ZNF385D: variants seen among roughly 807,000 people sequenced by gnomAD.
ZNF385D encodes zinc finger protein 659.
ZNF385D carries 15 observed loss-of-function variants against 35.8 expected under a neutral mutation model. That is an observed-to-expected ratio of 0.42 (90% CI 0.28 to 0.64). The LOEUF (loss-of-function observed/expected upper bound fraction) is 0.64. ZNF385D is among the 30% of genes least tolerant of loss of function. The pLI is 0.23. For synonymous variants in ZNF385D, 212 were observed against 186.8 expected, an observed-to-expected ratio of 1.13 and a Z score of -1.10; for missense variants, 474 against 494.6, an observed-to-expected ratio of 0.96 and a Z score of 0.39.
At chr3:21,666,424 T>G (rs1304262806) in intron 1 of ZNF385D, among the ~76,000 whole-genome samples, 4 of 152,216 alleles carry the variant, frequency 2.6e-5, no homozygotes, top group African/African-American at 7.2e-5. Flanking sequence ...CCCACTGTCT[T>G]ACCTTCCTTC....
intron 3 of ZNF385D, among the ~76,000 whole-genome samples, chr3:22,037,335 A>G (rs1365088087): frequency 1.3e-5 from 2 of 149,442 alleles, no homozygotes; most frequent in Non-Finnish European, 3.0e-5. Flanking sequence ...CCAACAGTGT[A>G]AAAGTGTTCC....
At chr3:22,198,183 C>A (rs1027168902) in intron 2 of ZNF385D, among the ~76,000 whole-genome samples, 6 of 115,002 alleles carry the variant, frequency 5.2e-5, no homozygotes, top group Non-Finnish European at 6.5e-5. Flanking sequence ...TCAAAATAAA[C>A]AAAGAATTTC....
At chr3:22,324,037 C>A (rs969360142) in intron 2 of ZNF385D, among the ~76,000 whole-genome samples, 9 of 152,074 alleles carry the variant, frequency 5.9e-5, no homozygotes, top group African/African-American at 1.9e-4. Flanking sequence ...TAAAAGATAT[C>A]ATGAAAGCTC....
At chr3:22,098,353 G>C (rs1451095983) in intron 3 of ZNF385D, among the ~76,000 whole-genome samples, 1 of 151,982 alleles carries the variant, frequency 6.6e-6, no homozygotes, top group African/African-American at 2.4e-5. Flanking sequence ...AAGTGTATGA[G>C]TCATCATTTA....
intron 2 of ZNF385D, among the ~76,000 whole-genome samples, chr3:21,664,350 G>A (rs999470509): frequency 6.6e-6 from 1 of 152,046 alleles, no homozygotes; most frequent in African/African-American, 2.4e-5. Context: ...GTTAACTTGG[G>A]CAACAATAAC....
intron 1 of ZNF385D, among the ~76,000 whole-genome samples, chr3:21,712,351 C>G (rs1432789375): frequency 2.6e-5 from 4 of 152,156 alleles, no homozygotes; most frequent in African/African-American, 9.7e-5. Flanking sequence ...TCCTTATTCT[C>G]CAGTGAACAC....
intron 3 of ZNF385D, among the ~76,000 whole-genome samples, chr3:21,761,567 G>A (rs907124568): frequency 2.6e-5 from 4 of 152,118 alleles, no homozygotes; most frequent in African/African-American, 9.7e-5. Context: ...ATCAATCAAT[G>A]CAAGAACCAA....
chr3:21,587,587 TAGC>T (rs1180957046), intron 2 of ZNF385D, among the ~76,000 whole-genome samples: 1 of 152,198 alleles, frequency 6.6e-6, no homozygotes, highest in Non-Finnish European at 1.5e-5. Flanking sequence ...TATATGCTTT[TAGC>T]AGGTTTATGA....
intron 3 of ZNF385D, among the ~76,000 whole-genome samples, chr3:22,079,906 A>G (rs1700660648): frequency 6.6e-6 from 1 of 151,806 alleles, no homozygotes; most frequent in South Asian, 2.1e-4. Flanking sequence ...GTGTGTGTGT[A>G]TGTATGTATA....
At chr3:21,914,832 G>C (rs1456727301) in intron 3 of ZNF385D, among the ~76,000 whole-genome samples, 1 of 151,446 alleles carries the variant, frequency 6.6e-6, no homozygotes, top group Non-Finnish European at 1.5e-5. Context: ...ATTTTACCAA[G>C]AGTTCATTTC....
intron 3 of ZNF385D, among the ~76,000 whole-genome samples, chr3:21,947,166 G>T (rs628155): frequency 1.3e-5 from 2 of 151,706 alleles, no homozygotes; most frequent in East Asian, 3.9e-4. Context: ...TGGATATAAG[G>T]AACACTGAAT....
At chr3:22,130,659 C>G (rs1325455325) in intron 3 of ZNF385D, among the ~76,000 whole-genome samples, 3 of 152,134 alleles carry the variant, frequency 2.0e-5, no homozygotes, top group Non-Finnish European at 4.4e-5. Flanking sequence ...ATTCTCTCTT[C>G]CCACACCATT....
chr3:22,078,757 A>G (rs973528798), intron 3 of ZNF385D, among the ~76,000 whole-genome samples: 7 of 152,108 alleles, frequency 4.6e-5, no homozygotes, highest in African/African-American at 1.4e-4. Flanking sequence ...AATGTCATAA[A>G]TTTGAAAAAG....
intron 2 of ZNF385D, among the ~76,000 whole-genome samples, chr3:22,365,458 G>T (rs191543832): frequency 6.6e-6 from 1 of 151,924 alleles, no homozygotes; most frequent in Non-Finnish European, 1.5e-5. Context: ...TACATTATGT[G>T]GTCAGTCGAC....
At chr3:22,033,159 T>A (rs1050682154) in intron 3 of ZNF385D, among the ~76,000 whole-genome samples, 5 of 151,990 alleles carry the variant, frequency 3.3e-5, no homozygotes, top group African/African-American at 1.2e-4. Flanking sequence ...CCTAGCACTT[T>A]AGGAGGCTGA....
intron 3 of ZNF385D, among the ~76,000 whole-genome samples, chr3:22,028,828 T>G (rs374119794): frequency 6.6e-6 from 1 of 152,192 alleles, no homozygotes; most frequent in South Asian, 2.1e-4. Context: ...AACATTGGAA[T>G]GGCCTTTGGA....
intron 2 of ZNF385D, among the ~76,000 whole-genome samples, chr3:22,259,262 T>A (rs537546862): frequency 6.6e-6 from 1 of 152,072 alleles, no homozygotes; most frequent in East Asian, 1.9e-4. Context: ...TCAGAAAAGT[T>A]ATTAAGAATT....
At chr3:21,878,084 AC>A (rs1244514017) in intron 3 of ZNF385D, 2 of 152,026 alleles carry the variant, frequency 1.3e-5, no homozygotes, top group Non-Finnish European at 2.9e-5. Context: ...GTGTATCATA[AC>A]ATTGCATCTT....
chr3:22,250,552 A>T (rs1416157228), intron 2 of ZNF385D, among the ~76,000 whole-genome samples: 1 of 152,100 alleles, frequency 6.6e-6, no homozygotes, highest in African/African-American at 2.4e-5. Flanking sequence ...TGTACTTTAT[A>T]AAGATGAGCC....
Sources: allele counts gnomAD v4.1 joint callset (sites outside exome capture counted in the v4.1 genomes callset), GRCh38; gene constraint gnomAD v4.1.1; transcripts MANE v1.5; gene names NCBI Gene and HGNC (gene_info 2026-07-23, HGNC 2026-07-21).